Variants in WDR27 observed in about 807,000 individuals in gnomAD.
WDR27 encodes the protein WD repeat-containing protein 27.
WDR27 carries 100 observed loss-of-function variants against 114.4 expected under a neutral mutation model. The observed-to-expected ratio is 0.87, with a 90% CI of 0.74 to 1.03. WDR27 has a LOEUF of 1.03. Among genes scored for constraint, WDR27 ranks in the 50% least tolerant of loss-of-function variants. WDR27 has a pLI of 0.00. For missense variants in WDR27, 1,129 were observed against 1,092.9 expected (o/e 1.03, Z -0.47); for synonymous variants, 449 against 423.1 (o/e 1.06, Z -0.75).
At chr6:169,606,070 T>C (rs545602105) in intron 22 of WDR27, among the ~76,000 whole-genome samples, 2 of 152,116 alleles carry the variant, frequency 1.3e-5, no homozygotes, top group African/African-American at 2.4e-5. Flanking sequence ...GACTAAGAAC[T>C]CAAAACCAGA....
At chr6:169,658,152 AG>A in intron 13 of WDR27, 123 bp downstream of exon 13, 2 of 761,006 alleles carry the variant, frequency 2.6e-6, no homozygotes, top group Non-Finnish European at 2.2e-6. Context: ...GAAGGACAGA[AG>A]GATGGAAGGA....
chr6:169,646,489 G>A (rs908603883), intron 16 of WDR27, among the ~76,000 whole-genome samples: 1 of 152,212 alleles, frequency 6.6e-6, no homozygotes, highest in African/African-American at 2.4e-5. Context: ...GCTCACACCT[G>A]TAATCCCAGC....
chr6:169,508,949 T>C (rs1025961844), intron 25 of WDR27, among the ~76,000 whole-genome samples: 9 of 152,210 alleles, frequency 5.9e-5, no homozygotes, highest in Admixed American at 2.0e-4. Flanking sequence ...CATGGCTCCA[T>C]AGCAGTCAGG....
At chr6:169,556,346 T>C (rs1281438444) in intron 25 of WDR27, among the ~76,000 whole-genome samples, 1 of 152,190 alleles carries the variant, frequency 6.6e-6, no homozygotes, top group Non-Finnish European at 1.5e-5. Flanking sequence ...GCCAACAGCT[T>C]GGTCTCAGCC....
At chr6:169,677,680 T>G (rs1271406909) in intron 2 of WDR27, among the ~76,000 whole-genome samples, 3 of 152,156 alleles carry the variant, frequency 2.0e-5, no homozygotes, top group Non-Finnish European at 4.4e-5. Context: ...TCCAAGACAT[T>G]CCAGATATCT....
intron 25 of WDR27, among the ~76,000 whole-genome samples, chr6:169,535,212 G>C (rs1055904733): frequency 1.3e-5 from 2 of 152,104 alleles, no homozygotes; most frequent in Non-Finnish European, 2.9e-5. Flanking sequence ...TCCTTTCATT[G>C]TTTGATACCT....
rs535591307 is a variant in WDR27, at chr6:169,629,842, G to A, written c.2223+3105C>T. Among the ~76,000 whole-genome samples the A allele has an allele frequency of 8.7e-5, 13 of 148,848 alleles. No individual in the cohort carries two copies. In the East Asian group the frequency reaches 1.8e-3, roughly 20 times the overall value. On this transcript the variant is annotated intron_variant, in intron 21 of 25. Coordinates refer to ENST00000448612, the MANE Select transcript of WDR27 (RefSeq NM_182552.5). ...CTCGGGAGGCTGAGGCAGGAGTATC[G>A]CTTGAACCCAGGAGGCGGAGCTTGC...
intron 23 of WDR27, among the ~76,000 whole-genome samples, chr6:169,593,852 A>AAACAAAC (rs1562651258): frequency 4.4e-5 from 6 of 135,014 alleles, no homozygotes; most frequent in African/African-American, 1.5e-4. Flanking sequence ...CTGTCTCAAA[A>AAACAAAC]AAACAAACAA....
chr6:169,624,567 C>T (rs539215840), intron 21 of WDR27, among the ~76,000 whole-genome samples: 1 of 152,196 alleles, frequency 6.6e-6, no homozygotes, highest in African/African-American at 2.4e-5. Context: ...GGACCTAAAT[C>T]GAAAACAGCC....
intron 23 of WDR27, among the ~76,000 whole-genome samples, chr6:169,583,990 T>C (rs1804071993): frequency 6.6e-6 from 1 of 152,172 alleles, no homozygotes; most frequent in Admixed American, 6.5e-5. Context: ...TGAGCACTCA[T>C]GTTGCACGTT....
intron 21 of WDR27, among the ~76,000 whole-genome samples, chr6:169,623,244 C>G (rs1562726078): frequency 1.3e-5 from 2 of 152,156 alleles, no homozygotes; most frequent in Non-Finnish European, 2.9e-5. Context: ...GCTTTGACTC[C>G]TGATGATTTC....
At chr6:169,628,042 A>AG (rs886174944) in intron 21 of WDR27, among the ~76,000 whole-genome samples, 2 of 151,956 alleles carry the variant, frequency 1.3e-5, no homozygotes, top group Non-Finnish European at 1.5e-5. Context: ...CTCTCCCCCC[A>AG]GAATTCATCA....
chr6:169,451,259 A>G, the WDR27 span, among the ~76,000 whole-genome samples: 1 of 152,206 alleles, frequency 6.6e-6, no homozygotes, highest in Non-Finnish European at 1.5e-5. Context: ...TTTGTCTCTT[A>G]TCTACCTACA....
chr6:169,554,931 T>C (rs915753494), intron 25 of WDR27, among the ~76,000 whole-genome samples: 1 of 152,206 alleles, frequency 6.6e-6, no homozygotes, highest in African/African-American at 2.4e-5. Context: ...TAAATACTCT[T>C]GGATGAAAAA....
At chr6:169,591,535 GAC>G (rs1805739471) in intron 23 of WDR27, among the ~76,000 whole-genome samples, 1 of 152,214 alleles carries the variant, frequency 6.6e-6, no homozygotes, top group Admixed American at 6.5e-5. Context: ...ACACACTTCT[GAC>G]TAAGGGACAG....
chr6:169,595,125 C>T (rs1279403552), intron 23 of WDR27, among the ~76,000 whole-genome samples: 1 of 152,214 alleles, frequency 6.6e-6, no homozygotes, highest in Non-Finnish European at 1.5e-5. Context: ...ATGATCGTGC[C>T]ACTGCACTTC....
chr6:169,536,543 CA>C (rs371664632), intron 25 of WDR27, among the ~76,000 whole-genome samples: 2 of 152,028 alleles, frequency 1.3e-5, no homozygotes, highest in African/African-American at 2.4e-5. Context: ...ATAAATGAAA[CA>C]AAAAAACTAC....
chr6:169,498,827 G>C (rs1273813138), intron 25 of WDR27, among the ~76,000 whole-genome samples: 2 of 152,184 alleles, frequency 1.3e-5, no homozygotes, highest in Admixed American at 6.5e-5. Flanking sequence ...GGATGCGGGT[G>C]GGGGAGCGTG....
chr6:169,659,497 A>G lies in WDR27; in HGVS notation c.1151T>C (p.Leu384Pro). Residue 384 changes from leucine (L) to proline (P), a missense_variant, in exon 11 of 26, where the codon CTG becomes CCG. Physicochemically the swap from Leu to Pro is moderately conservative, Grantham distance 98. Coordinates refer to ENST00000448612, the MANE Select transcript of WDR27 (RefSeq NM_182552.5). This position sits in a 1 kb window ranked among gnomAD's most constrained non-coding sequence, Gnocchi z 4.3. ...CCTCAGGGCACACGATCCGGCCAGC[A>G]GGATGCTGAGGCTCTGGAAATCTTC... Reference protein sequence around the residue: ...YYKDFQSLSILLAGSCALRNR... With the variant: ...YYKDFQSLSIPLAGSCALRNR... 5 of 1,610,152 alleles carry G rather than the reference A, an allele frequency of 3.1e-6. No individual in the cohort carries two copies. The highest frequency in any genetic ancestry group is 4.2e-6 in the Non-Finnish European group (5 of 1,178,310).
Sources: gnomAD v4.1 joint callset for allele counts (sites outside exome capture counted in the v4.1 genomes callset) on GRCh38, gnomAD v4.1.1 for gene constraint, Gnocchi (gnomAD v3.1) non-coding constraint, MANE v1.5 for transcripts, NCBI Gene and HGNC (gene_info 2026-07-23, HGNC 2026-07-21) for gene names.